The following PTPRN2 variants were observed in gnomAD, a reference collection of about 807,000 sequenced individuals.
PTPRN2 encodes receptor-type tyrosine-protein phosphatase N2.
Under a neutral mutation model 118.8 loss-of-function variants are expected in PTPRN2, and 74 were observed. The ratio of observed to expected loss-of-function variants is 0.62; its 90% CI spans 0.52 to 0.76. PTPRN2 has a LOEUF of 0.76. PTPRN2 is among the 30% of genes least tolerant of loss of function. PTPRN2 has a pLI of 0.00. For synonymous variants in PTPRN2, 641 were observed against 608.0 expected (o/e 1.05, Z -0.80); for missense variants, 1,481 against 1,394.4 (o/e 1.06, Z -0.99).
intron 3 of PTPRN2, among the ~76,000 whole-genome samples, chr7:158,214,020 G>A (rs1827794955): frequency 1.3e-5 from 2 of 152,070 alleles, no homozygotes; most frequent in Non-Finnish European, 2.9e-5. Context: ...CAGTCTGAGA[G>A]GACCCTGTAT....
At chr7:158,533,378 T>C (rs1222621291) in intron 1 of PTPRN2, among the ~76,000 whole-genome samples, 1 of 152,230 alleles carries the variant, frequency 6.6e-6, no homozygotes, top group East Asian at 1.9e-4. Flanking sequence ...GAAATGGAGA[T>C]TTCTAGGACC....
chr7:158,472,522 T>C (rs1759062370), intron 2 of PTPRN2, among the ~76,000 whole-genome samples: 1 of 152,182 alleles, frequency 6.6e-6, no homozygotes, highest in African/African-American at 2.4e-5. Context: ...CAAGAGCAGG[T>C]GCTGGGTGTT....
At position 158,376,235 on chromosome 7, in the gene PTPRN2, C is replaced by T. The variant is rs60129835; in HGVS notation, c.164-59303G>A. Among the ~76,000 whole-genome samples the T allele has an allele frequency of 8.9e-3, 1,346 of 151,938 alleles. 21 individuals are homozygous for T. Among genetic ancestry groups the T allele is most frequent in the African/African-American group, 0.029 (1,215 of 41,264 alleles). On this transcript the variant is annotated intron_variant, in intron 2 of 22. Coordinates refer to ENST00000389418, the MANE Select transcript of PTPRN2 (RefSeq NM_002847.5). ...AGCAGCCAAACAGATGAGCCACACC[C>T]GTCACACGTCCTGCATGCAGGGTCA...
At position 157,615,494 on chromosome 7, in the gene PTPRN2, G is replaced by A. The variant is rs1802704068; in HGVS notation, c.2344+5868C>T. 4.2e-6 allele frequency: 2 copies of A among 471,098 alleles called. No homozygotes were observed. The highest frequency in any genetic ancestry group is 2.3e-5 in the Admixed American group (1 of 42,580). 29.2% of individuals were successfully genotyped at this position (471,098 alleles called of 1,614,324 possible). A position where few individuals can be genotyped will look rare whatever the true frequency, so the allele number is the denominator to read the frequency against. The stretch of plus-strand genomic sequence containing the variant: ...ACATCTGATGAGCCTTTGCCAATAT[G>A]CTCGGGACCTGGGGACGGCTGGGGT... On this transcript the variant is annotated intron_variant, in intron 15 of 22. Transcript: ENST00000389418. This position sits in a 1 kb window ranked among gnomAD's most constrained non-coding sequence, Gnocchi z 4.3.
chr7:157,891,916 C>T (rs1313149357), intron 12 of PTPRN2, among the ~76,000 whole-genome samples: 4 of 152,224 alleles, frequency 2.6e-5, no homozygotes, highest in Non-Finnish European at 5.9e-5. Context: ...GCCACCCAGA[C>T]AGCCCCCAGT....
intron 11 of PTPRN2, among the ~76,000 whole-genome samples, chr7:158,060,791 G>A (rs939911359): frequency 6.6e-6 from 1 of 152,222 alleles, no homozygotes; most frequent in Non-Finnish European, 1.5e-5. Flanking sequence ...TTTGCAAAGC[G>A]ATGAATGGCA....
intron 12 of PTPRN2, among the ~76,000 whole-genome samples, chr7:157,811,609 A>G (rs1002314349): frequency 2.0e-5 from 3 of 152,092 alleles, no homozygotes; most frequent in African/African-American, 7.2e-5. Flanking sequence ...GCGTGAGCCC[A>G]TGAAATACTT....
intron 11 of PTPRN2, chr7:158,028,234 A>G (rs1310431083): frequency 6.6e-6 from 1 of 152,296 alleles, no homozygotes; most frequent in African/African-American, 2.4e-5. Context: ...GCTGGCCCTG[A>G]CAGGACCCTC....
intron 3 of PTPRN2, among the ~76,000 whole-genome samples, chr7:158,209,755 C>A (rs1205961477): frequency 6.6e-6 from 1 of 152,172 alleles, no homozygotes; most frequent in East Asian, 1.9e-4. Flanking sequence ...TTCTTCTCCT[C>A]AACACATGAA....
At chr7:158,165,599 G>A (rs1822891745) in intron 6 of PTPRN2, among the ~76,000 whole-genome samples, 1 of 152,256 alleles carries the variant, frequency 6.6e-6, no homozygotes, top group Non-Finnish European at 1.5e-5. Flanking sequence ...GCTGATGCTC[G>A]CTCTCAGCGG....
rs1247665912 is a variant in PTPRN2, at chr7:157,615,419, G to A, written c.2344+5943C>T. On this transcript the variant is annotated intron_variant, in intron 15 of 22. Coordinates refer to ENST00000389418, the MANE Select transcript of PTPRN2 (RefSeq NM_002847.5). This position sits in a 1 kb window ranked among gnomAD's most constrained non-coding sequence, Gnocchi z 4.3. ...GCTCTGTCCCTGTGTGAATCTCAGG[G>A]CTGTTTCGAGGATGAAAAGGAGGTG... is the stretch of plus-strand genomic sequence containing the variant. 3.2e-5 allele frequency: 15 copies of A among 471,142 alleles called. No homozygotes were observed. In the Admixed American group the frequency reaches 3.5e-4, roughly 11 times the overall value. The allele number at this position is 471,142 out of a possible 1,614,324, so 29.2% of individuals were successfully genotyped here.
Position 158,205,269 on chromosome 7 carries a change from G to A in PTPRN2, c.282C>T (p.Phe94=), listed in dbSNP as rs867426789. ...VALQKLSGTG[F]TWQDDYTQYV... The stretch of plus-strand genomic sequence containing the variant: ...ACTGAGTATAGTCATCCTGCCACGT[G>A]AAACCTGTGGACAAAAATTGCAAAA... The change falls in exon 4 of 23, where the codon TTC becomes TTT. Residue 94 remains phenylalanine, a synonymous_variant. Coordinates refer to ENST00000389418, the MANE Select transcript of PTPRN2 (RefSeq NM_002847.5). 1.2e-6 allele frequency: 2 copies of A among 1,612,892 alleles called. No individual in the cohort carries two copies. Among genetic ancestry groups the A allele is most frequent in the Non-Finnish European group, 8.5e-7 (1 of 1,179,622 alleles).
chr7:158,382,860 C>T (rs1586528736), intron 2 of PTPRN2, among the ~76,000 whole-genome samples: 1 of 152,276 alleles, frequency 6.6e-6, no homozygotes, highest in Non-Finnish European at 1.5e-5. Flanking sequence ...ATATGAAAAC[C>T]CTATCAGTGG....
At chr7:158,079,507 T>C (rs746112560) in intron 11 of PTPRN2, among the ~76,000 whole-genome samples, 8 of 152,240 alleles carry the variant, frequency 5.3e-5, no homozygotes, top group Non-Finnish European at 1.0e-4. Context: ...TGTGAGTATA[T>C]TGTTATGATT....
chr7:157,955,177 G>T (rs1801107118), intron 11 of PTPRN2, among the ~76,000 whole-genome samples: 1 of 152,180 alleles, frequency 6.6e-6, no homozygotes, highest in Non-Finnish European at 1.5e-5. Context: ...CTAAAAAGCA[G>T]CTTGGTGTAG....
At chr7:158,196,886 T>G (rs1311117955) in intron 4 of PTPRN2, among the ~76,000 whole-genome samples, 2 of 152,208 alleles carry the variant, frequency 1.3e-5, no homozygotes, top group Non-Finnish European at 2.9e-5. Flanking sequence ...CTTATGGCTC[T>G]CTTAGAAATA....
intron 10 of PTPRN2, among the ~76,000 whole-genome samples, chr7:158,083,667 G>A (rs78976843): frequency 1.3e-5 from 2 of 152,182 alleles, no homozygotes; most frequent in Non-Finnish European, 2.9e-5. Flanking sequence ...CATGCCGAGC[G>A]TCACCATTGC....
rs966621286 is a variant in PTPRN2 at position 157,903,055 on chromosome 7, C to T, written c.1724-4318G>A. ...GGGGCCACCATCCTAAGCAAATTAA[C>T]GCAAAAGCAGAAAGCCACACGCTGC... On this transcript the variant is annotated intron_variant, in intron 11 of 22. Coordinates refer to ENST00000389418, the MANE Select transcript of PTPRN2 (RefSeq NM_002847.5). The surrounding 1 kb of genome is among the most constrained non-coding windows in gnomAD (Gnocchi z 4.2). Among the ~76,000 whole-genome samples, 6 of 152,076 alleles carry T rather than the reference C, an allele frequency of 3.9e-5. No individual in the cohort carries two copies. The highest frequency in any genetic ancestry group is 1.9e-4 in the East Asian group (1 of 5,188).
intron 12 of PTPRN2, among the ~76,000 whole-genome samples, chr7:157,821,318 G>C (rs950630047): frequency 6.6e-6 from 1 of 152,214 alleles, no homozygotes; most frequent in Non-Finnish European, 1.5e-5. Flanking sequence ...TCTAGGATCT[G>C]GTCAGAGCTA....
Sources: gnomAD v4.1 joint callset for allele counts (sites outside exome capture counted in the v4.1 genomes callset) on GRCh38, gnomAD v4.1.1 for gene constraint, Gnocchi (gnomAD v3.1) non-coding constraint, MANE v1.5 for transcripts, NCBI Gene and HGNC (gene_info 2026-07-23, HGNC 2026-07-21) for gene names.